PGCKA1: variants seen among roughly 807,000 people sequenced by gnomAD.
The protein encoded by PGCKA1 is PDCD10 and GCKIII kinases-associated protein 1.
At chr4:37,531,891 CAAAAAA>C in the PGCKA1 span, among the ~76,000 whole-genome samples, 2 of 70,940 alleles carry the variant, frequency 2.8e-5, no homozygotes, top group Admixed American at 1.4e-4. Flanking sequence ...GAATCTGTCT[CAAAAAA>C]AAAAAAAAAA....
chr4:37,457,808 G>T, the PGCKA1 span, among the ~76,000 whole-genome samples: 1 of 152,120 alleles, frequency 6.6e-6, no homozygotes, highest in African/African-American at 2.4e-5. Context: ...GAACTTATTT[G>T]GCATTATTTC....
chr4:37,548,149 TTGTC>T, the PGCKA1 span, among the ~76,000 whole-genome samples: 1,115 of 151,896 alleles, frequency 7.3e-3, 10 homozygotes, highest in African/African-American at 0.026. Flanking sequence ...CGTTGAAAAA[TTGTC>T]TGTGAAAGTC....
the PGCKA1 span, among the ~76,000 whole-genome samples, chr4:37,528,004 T>C: frequency 6.6e-6 from 1 of 152,310 alleles, no homozygotes; most frequent in African/African-American, 2.4e-5. Context: ...CAAAATCACC[T>C]AATGTTGCCT....
chr4:37,521,754 A>G, the PGCKA1 span, among the ~76,000 whole-genome samples: 1 of 152,190 alleles, frequency 6.6e-6, no homozygotes, highest in African/African-American at 2.4e-5. Context: ...TTTTCTGTCT[A>G]AAAGATCTGT....
At chr4:37,561,724 C>T in the PGCKA1 span, among the ~76,000 whole-genome samples, 1 of 152,236 alleles carries the variant, frequency 6.6e-6, no homozygotes, top group South Asian at 2.1e-4. Context: ...TTAGTGAATA[C>T]TGCACAATTG....
the PGCKA1 span, among the ~76,000 whole-genome samples, chr4:37,571,883 C>T: frequency 2.0e-5 from 3 of 151,986 alleles, no homozygotes; most frequent in African/African-American, 2.4e-5. Context: ...CCTCCCACCT[C>T]GGCCTCCCAA....
chr4:37,510,123 A>G, the PGCKA1 span, among the ~76,000 whole-genome samples: 138 of 152,202 alleles, frequency 9.1e-4, no homozygotes, highest in Non-Finnish European at 1.6e-3. Context: ...TCTCTGCATT[A>G]TCTTGAATTT....
chr4:37,557,628 T>G, the PGCKA1 span, among the ~76,000 whole-genome samples: 3 of 152,218 alleles, frequency 2.0e-5, no homozygotes, highest in Non-Finnish European at 4.4e-5. Flanking sequence ...ACCATCACAC[T>G]GGGGATTGGT....
the PGCKA1 span, among the ~76,000 whole-genome samples, chr4:37,547,129 G>A: frequency 6.6e-6 from 1 of 151,784 alleles, no homozygotes; most frequent in African/African-American, 2.4e-5. Context: ...CGGCACTTTG[G>A]TTTTGGTTTT....
the PGCKA1 span, among the ~76,000 whole-genome samples, chr4:37,581,764 G>A: frequency 6.6e-6 from 1 of 152,080 alleles, no homozygotes; most frequent in Non-Finnish European, 1.5e-5. This position sits in a 1 kb window ranked among gnomAD's most constrained non-coding sequence, Gnocchi z 4.4. Flanking sequence ...AGTAGATCAG[G>A]TGCCCCCCCA....
the PGCKA1 span, among the ~76,000 whole-genome samples, chr4:37,586,704 G>A: frequency 6.6e-6 from 1 of 152,232 alleles, no homozygotes; most frequent in Non-Finnish European, 1.5e-5. Flanking sequence ...GAGGTCAGGA[G>A]TTCAAGACCA....
At chr4:37,487,236 G>A in the PGCKA1 span, among the ~76,000 whole-genome samples, 1 of 152,130 alleles carries the variant, frequency 6.6e-6, no homozygotes, top group Admixed American at 6.6e-5. Flanking sequence ...CTTATTTTCT[G>A]TATGAACATT....
chr4:37,541,559 G>A, the PGCKA1 span, among the ~76,000 whole-genome samples: 1 of 152,176 alleles, frequency 6.6e-6, no homozygotes, highest in African/African-American at 2.4e-5. Context: ...ATCAAATGCT[G>A]CACATTAATA....
chr4:37,534,524 A>G, the PGCKA1 span, among the ~76,000 whole-genome samples: 1 of 152,228 alleles, frequency 6.6e-6, no homozygotes, highest in Non-Finnish European at 1.5e-5. Flanking sequence ...TGGAATTTAC[A>G]TTTGTCTTAG....
At chr4:37,505,371 A>AT in the PGCKA1 span, among the ~76,000 whole-genome samples, 3 of 151,686 alleles carry the variant, frequency 2.0e-5, no homozygotes, top group Non-Finnish European at 2.9e-5. Flanking sequence ...TGGGCCTGTC[A>AT]TTTTTTTTGT....
chr4:37,589,692 C>T, the PGCKA1 span, among the ~76,000 whole-genome samples: 240 of 152,284 alleles, frequency 1.6e-3, 1 homozygote, highest in African/African-American at 5.4e-3. Context: ...AGTGCAGGGG[C>T]GTGATCTCAG....
At chr4:37,461,295 ATGGACTCTTTTT>A in the PGCKA1 span, among the ~76,000 whole-genome samples, 1 of 151,932 alleles carries the variant, frequency 6.6e-6, no homozygotes, top group African/African-American at 2.4e-5. Context: ...TCTTGGCTGT[ATGGACTCTTTTT>A]TGGTTCCATA....
the PGCKA1 span, among the ~76,000 whole-genome samples, chr4:37,506,984 A>G: frequency 2.0e-5 from 3 of 152,086 alleles, no homozygotes; most frequent in Non-Finnish European, 4.4e-5. Context: ...ATATATATTT[A>G]TAATTACTGT....
At chr4:37,590,625 G>C in the PGCKA1 span, 1 of 1,614,156 alleles carries the variant, frequency 6.2e-7, no homozygotes, top group Non-Finnish European at 8.5e-7. Context: ...ATTACCTTCA[G>C]CATTGGGGCC....
Sources: allele counts gnomAD v4.1 joint callset (sites outside exome capture counted in the v4.1 genomes callset), GRCh38; gene constraint gnomAD v4.1.1; non-coding constraint Gnocchi (gnomAD v3.1); transcripts MANE v1.5; gene names NCBI Gene and HGNC (gene_info 2026-07-23, HGNC 2026-07-21).